Variants in PDE3B observed in about 807,000 individuals in gnomAD.
The protein encoded by PDE3B is phosphodiesterase 3B, also known as cGMP-inhibited 3',5'-cyclic phosphodiesterase 3B.
PDE3B carries 66 observed loss-of-function variants against 116.8 expected under a neutral mutation model. That is an observed-to-expected ratio of 0.56 (90% CI 0.46 to 0.69). PDE3B has a LOEUF of 0.69. PDE3B is among the 30% of genes least tolerant of loss of function. PDE3B has a pLI of 0.00. For missense variants in PDE3B, 1,384 were observed against 1,368.1 expected, an observed-to-expected ratio of 1.01 and a Z score of -0.18; for synonymous variants, 595 against 533.6, an observed-to-expected ratio of 1.12 and a Z score of -1.59.
At chr11:14,882,461 T>C in the PDE3B span, among the ~76,000 whole-genome samples, 1 of 152,030 alleles carries the variant, frequency 6.6e-6, no homozygotes, top group African/African-American at 2.4e-5. Context: ...GAGAAATATG[T>C]GCACATGGGA....
intron 1 of PDE3B, chr11:14,674,363 A>G (rs1387473329): frequency 2.7e-6 from 2 of 750,756 alleles, no homozygotes; most frequent in African/African-American, 1.7e-5. Context: ...GTGTCCTTGT[A>G]TTTGAGTACT....
rs1313806719 is a variant in PDE3B at position 14,644,873 on chromosome 11, C to T, written c.798C>T (p.Phe266=). 5.6e-6 allele frequency: 9 copies of T among 1,613,894 alleles called. 1 individual carries two copies. Among genetic ancestry groups the T allele is most frequent in the South Asian group, 1.1e-5 (1 of 91,086 alleles). The change falls in exon 1 of 16, where the codon TTC becomes TTT. Residue 266 remains phenylalanine, a synonymous_variant. Transcript: ENST00000282096. ...GCLLALGLDH[F]FQIREAPLHP... is the part of the protein sequence containing the mutation. ...TGCTGGCCCTGGGGTTGGATCACTT[C>T]TTTCAAATCAGGGAAGCGCCTCTTC...
At chr11:14,739,780 G>A (rs901237009) in intron 1 of PDE3B, among the ~76,000 whole-genome samples, 1 of 152,020 alleles carries the variant, frequency 6.6e-6, no homozygotes, top group South Asian at 2.1e-4. Flanking sequence ...ACGTTCCATC[G>A]ACACCTAGCT....
At chr11:14,768,338 C>T (rs2133894612) in intron 1 of PDE3B, among the ~76,000 whole-genome samples, 1 of 151,636 alleles carries the variant, frequency 6.6e-6, no homozygotes, top group Non-Finnish European at 1.5e-5. Context: ...GTATGTCACT[C>T]CTGGATCTGG....
chr11:14,644,986 C>T lies in PDE3B; in HGVS notation c.911C>T (p.Ala304Val). ...RSSCVSLGET[A>V]ASYYGSCKIF... Reference sequence around the variant, plus strand: ...AGCTGCGTGTCGTTAGGAGAAACTGCAGCCAGTTACTATGGCAGTTGCAAA... The same window carrying T: ...AGCTGCGTGTCGTTAGGAGAAACTGTAGCCAGTTACTATGGCAGTTGCAAA... Residue 304 changes from alanine to valine, a missense_variant, in exon 1 of 16, where the codon GCA becomes GTA. Around this residue, in one of 2 missense-constraint regions of PDE3B, gnomAD observed 956 missense variants for 806.8 expected, o/e 1.18. Transcript: ENST00000282096. The T allele has an allele frequency of 6.2e-7, 1 of 1,613,794 alleles. No homozygotes were observed. The highest frequency in any genetic ancestry group is 8.5e-7 in the Non-Finnish European group (1 of 1,179,934).
At chr11:14,803,611 C>A (rs542699495) in intron 4 of PDE3B, among the ~76,000 whole-genome samples, 2 of 152,262 alleles carry the variant, frequency 1.3e-5, no homozygotes, top group East Asian at 3.9e-4. Context: ...CAGTCTGCAG[C>A]CTATGGACCT....
chr11:14,664,400 A>G, intron 1 of PDE3B, among the ~76,000 whole-genome samples: 1 of 152,216 alleles, frequency 6.6e-6, no homozygotes, highest in Non-Finnish European at 1.5e-5. Context: ...AGCAGAAGGC[A>G]AGAAATAACT....
At chr11:14,890,485 G>A in the PDE3B span, 6 of 957,840 alleles carry the variant, frequency 6.3e-6, no homozygotes, top group Non-Finnish European at 7.4e-6. Flanking sequence ...CGTGAACCAT[G>A]AAAGGAACGT....
rs762702362 is a variant in PDE3B at position 14,831,766 on chromosome 11, A to T, written c.2083A>T (p.Ile695Phe). 6.2e-7 allele frequency: 1 copy of T among 1,602,428 alleles called. No individual in the cohort carries two copies. The highest frequency in any genetic ancestry group is 1.3e-5 in the African/African-American group (1 of 74,592). ...VEKMGEKSGR[I>F]LSQVMYTLFQ... ...AAAGATGGGAGAGAAATCAGGAAGGATTCTCAGTCAGGTTTGCTTTCAAAT... is the reference window on the plus strand; with the variant it reads ...AAAGATGGGAGAGAAATCAGGAAGGTTTCTCAGTCAGGTTTGCTTTCAAAT... The change falls in exon 9 of 16, where the codon ATT becomes TTT. Residue 695 changes from isoleucine (I) to phenylalanine (F), a missense_variant. Around this residue, in one of 2 missense-constraint regions of PDE3B, gnomAD observed 428 missense variants for 561.4 expected, o/e 0.76. Transcript: ENST00000282096.
intron 12 of PDE3B, among the ~76,000 whole-genome samples, chr11:14,851,550 G>A (rs1231552879): frequency 6.6e-6 from 1 of 151,016 alleles, no homozygotes; most frequent in African/African-American, 2.4e-5. Flanking sequence ...GGGTTAAAAG[G>A]GCCATGTGAT....
chr11:14,767,583 A>C (rs1032794864), intron 1 of PDE3B, among the ~76,000 whole-genome samples: 141 of 151,612 alleles, frequency 9.3e-4, no homozygotes, highest in African/African-American at 3.2e-3. Context: ...GATATAAATA[A>C]TATTCAAATG....
At chr11:14,792,058 G>A (rs1858405911) in intron 4 of PDE3B, among the ~76,000 whole-genome samples, 1 of 152,018 alleles carries the variant, frequency 6.6e-6, no homozygotes, top group Admixed American at 6.6e-5. Flanking sequence ...AGCTGACTAT[G>A]TATAGTTTGT....
chr11:14,759,006 T>G (rs1341488932), intron 1 of PDE3B, among the ~76,000 whole-genome samples: 1 of 152,146 alleles, frequency 6.6e-6, no homozygotes, highest in Non-Finnish European at 1.5e-5. Flanking sequence ...AAAGGCTTTT[T>G]CTGCATCTAT....
At position 14,868,140 on chromosome 11, in the gene PDE3B, CG is replaced by C. The variant is rs1183527200; in HGVS notation, c.3139+385del. ...CATGTTTTGAGTAACTTCTATATGC[CG>C]GGTACTGGGTGAATACTGTCATACA... is the stretch of plus-strand genomic sequence containing the variant. On this transcript the variant is annotated intron_variant, in intron 15 of 15. Transcript: ENST00000282096. Among the ~76,000 whole-genome samples the C allele has an allele frequency of 3.9e-5, 6 of 152,212 alleles. No homozygotes were observed. The East Asian group carries it at 9.7e-4, about 25-fold the overall frequency.
At chr11:14,783,833 T>G (rs1248104247) in intron 2 of PDE3B, among the ~76,000 whole-genome samples, 1 of 152,114 alleles carries the variant, frequency 6.6e-6, no homozygotes, top group African/African-American at 2.4e-5. Flanking sequence ...AGTAAGAGAT[T>G]TACCTTGCAA....
chr11:14,769,328 A>G (rs1009608793), intron 1 of PDE3B, among the ~76,000 whole-genome samples: 2 of 151,360 alleles, frequency 1.3e-5, no homozygotes, highest in African/African-American at 4.8e-5. Flanking sequence ...GCTACAGTAG[A>G]GAGATCTAAA....
At chr11:14,677,847 G>A (rs1854580325) in intron 1 of PDE3B, among the ~76,000 whole-genome samples, 1 of 152,148 alleles carries the variant, frequency 6.6e-6, no homozygotes, top group Non-Finnish European at 1.5e-5. Flanking sequence ...AGATTCATCC[G>A]AGTTGTTGCA....
intron 7 of PDE3B, among the ~76,000 whole-genome samples, chr11:14,830,319 T>G (rs550289964): frequency 6.6e-6 from 1 of 152,282 alleles, no homozygotes; most frequent in East Asian, 1.9e-4. Flanking sequence ...TGATTTAATC[T>G]TATTGATTTG....
intron 1 of PDE3B, among the ~76,000 whole-genome samples, chr11:14,679,171 T>C (rs1465995549): frequency 1.3e-5 from 2 of 152,296 alleles, no homozygotes; most frequent in South Asian, 4.1e-4. Flanking sequence ...GTAGTGTGAA[T>C]CTTCTTATCT....
Sources: gnomAD v4.1 joint callset for allele counts (sites outside exome capture counted in the v4.1 genomes callset) on GRCh38, gnomAD v4.1.1 for gene constraint, gnomAD v4.1.1 regional missense constraint, MANE v1.5 for transcripts, NCBI Gene and HGNC (gene_info 2026-07-23, HGNC 2026-07-21) for gene names.